The following TNS1 variants were observed in gnomAD, a reference collection of about 807,000 sequenced individuals.
TNS1 encodes the protein tensin-1.
TNS1 carries 62 observed loss-of-function variants against 168.6 expected under a neutral mutation model. That is an observed-to-expected ratio of 0.37 (90% CI 0.30 to 0.45). The LOEUF is 0.45. TNS1 is among the 20% of genes least tolerant of loss of function. The pLI, the probability that TNS1 is intolerant of heterozygous loss-of-function variation, is 1.00. For missense variants in TNS1, 2,240 were observed against 2,339.4 expected (o/e 0.96, Z 0.88); for synonymous variants, 934 against 933.2 (o/e 1.00, Z -0.02).
chr2:217,844,231 G>T (rs186644056), intron 19 of TNS1, among the ~76,000 whole-genome samples: 1 of 152,036 alleles, frequency 6.6e-6, no homozygotes, highest in East Asian at 1.9e-4. Flanking sequence ...ATCCAGCCCC[G>T]CACCACTTAG....
chr2:217,941,927 G>A (rs928770035), intron 3 of TNS1, among the ~76,000 whole-genome samples: 2 of 152,166 alleles, frequency 1.3e-5, no homozygotes, highest in African/African-American at 4.8e-5. Context: ...ACAGGAGCCT[G>A]AGGGTCCCCA....
chr2:217,825,357 C>T (rs1409372240), intron 22 of TNS1, among the ~76,000 whole-genome samples: 1 of 152,124 alleles, frequency 6.6e-6, no homozygotes, highest in Non-Finnish European at 1.5e-5. Flanking sequence ...CCCTGCCCTC[C>T]AGCTCCCTCC....
At chr2:217,990,337 A>AT (rs1958330344) in intron 2 of TNS1, among the ~76,000 whole-genome samples, 2 of 120,732 alleles carry the variant, frequency 1.7e-5, no homozygotes, top group Non-Finnish European at 1.7e-5. Flanking sequence ...TCCACATGCC[A>AT]CCACACACCA....
Position 217,810,239 on chromosome 2 carries a change from A to G in TNS1, c.5104+9T>C, listed in dbSNP as rs756997268. The G allele has an allele frequency of 6.2e-7, 1 of 1,613,726 alleles. No individual in the cohort carries two copies. Among genetic ancestry groups the G allele is most frequent in the Non-Finnish European group, 8.5e-7 (1 of 1,179,942 alleles). On this transcript the variant is annotated intron_variant, in intron 29 of 32. Transcript: ENST00000682258. ...CTGGGCATGGGTACAGTTTCAGGTGACCACTCACCTGCCCCTTGTTTCAGC... is the reference window on the plus strand; with the variant it reads ...CTGGGCATGGGTACAGTTTCAGGTGGCCACTCACCTGCCCCTTGTTTCAGC...
intron 4 of TNS1, among the ~76,000 whole-genome samples, chr2:217,915,885 C>T (rs1954952832): frequency 6.6e-6 from 1 of 152,118 alleles, no homozygotes; most frequent in South Asian, 2.1e-4. Context: ...TCCCAATGGC[C>T]CCACGTCATG....
At chr2:217,968,768 C>G (rs1457467547) in intron 3 of TNS1, among the ~76,000 whole-genome samples, 1 of 152,148 alleles carries the variant, frequency 6.6e-6, no homozygotes, top group Non-Finnish European at 1.5e-5. Context: ...AATCTCAGCT[C>G]AATACAACCT....
At chr2:217,928,363 C>T (rs374767665) in intron 3 of TNS1, among the ~76,000 whole-genome samples, 1 of 152,272 alleles carries the variant, frequency 6.6e-6, no homozygotes, top group Admixed American at 6.5e-5. Flanking sequence ...GTGCCCTCCC[C>T]ACCAGGCAGC....
chr2:217,982,586 T>C (rs1958083183), intron 2 of TNS1, among the ~76,000 whole-genome samples: 2 of 151,926 alleles, frequency 1.3e-5, no homozygotes, highest in Admixed American at 6.6e-5. Flanking sequence ...GCATTTTTTG[T>C]AGAGAGAGGG....
At chr2:217,872,750 A>T (rs186234170) in intron 18 of TNS1, among the ~76,000 whole-genome samples, 3,446 of 152,348 alleles carry the variant, frequency 0.023, 134 homozygotes, top group African/African-American at 0.077. Flanking sequence ...TGTTGACAGC[A>T]GCATTCTTCA....
Position 217,812,434 on chromosome 2 carries a change from C to T in TNS1, c.4966G>A (p.Ala1656Thr). The T allele has an allele frequency of 6.2e-7, 1 of 1,614,078 alleles. No individual in the cohort carries two copies. Among genetic ancestry groups the T allele is most frequent in the Non-Finnish European group, 8.5e-7 (1 of 1,180,018 alleles). ...ATGATGGAGTGCTGGTAGACCAGGGCAGACAGCGATCCTGTAGGGAGGCAG... is the reference window on the plus strand; with the variant it reads ...ATGATGGAGTGCTGGTAGACCAGGGTAGACAGCGATCCTGTAGGGAGGCAG... ...PNEPNFGSLS[A>T]LVYQHSIIPL... The change falls in exon 28 of 33, where the codon GCC becomes ACC. Residue 1656 changes from alanine (A) to threonine (T), a missense_variant. This residue lies in a region of TNS1 where 2,131 missense variants were observed against 2,171.2 expected (regional missense o/e 0.98). Coordinates refer to ENST00000682258, the MANE Select transcript of TNS1 (RefSeq NM_001387777.1).
intron 4 of TNS1, among the ~76,000 whole-genome samples, chr2:217,910,842 C>T (rs1954321697): frequency 1.3e-5 from 2 of 152,220 alleles, no homozygotes; most frequent in African/African-American, 4.8e-5. Flanking sequence ...CCCTGTTTCA[C>T]ACATGGGGAA....
At position 217,995,689 on chromosome 2, in the gene TNS1, A is replaced by G. The variant is rs972418165; in HGVS notation, c.34-4633T>C. Among the ~76,000 whole-genome samples, 2 of 152,064 alleles carry G rather than the reference A, an allele frequency of 1.3e-5. No individual in the cohort carries two copies. The highest frequency in any genetic ancestry group is 2.4e-5 in the African/African-American group (1 of 41,408). ...CCGGGGCCCTTCCTTTGCTGGCTGC[A>G]AAGGAACCTACTTAGGGAAAACTCA... On this transcript the variant is annotated intron_variant, in intron 1 of 32. Coordinates refer to ENST00000682258, the MANE Select transcript of TNS1 (RefSeq NM_001387777.1). This position sits in a 1 kb window ranked among gnomAD's most constrained non-coding sequence, Gnocchi z 4.1.
chr2:217,973,601 C>A (rs537173883), intron 3 of TNS1, among the ~76,000 whole-genome samples: 1 of 152,242 alleles, frequency 6.6e-6, no homozygotes, highest in African/African-American at 2.4e-5. Context: ...GATGCTTTCA[C>A]GCTTGTTCTC....
At chr2:217,903,706 C>G (rs1559332807) in intron 6 of TNS1, 3 of 1,069,878 alleles carry the variant, frequency 2.8e-6, no homozygotes, top group Admixed American at 2.1e-5. Flanking sequence ...GAATTTCCTC[C>G]TGGTATCTAA....
chr2:217,813,584 G>A lies in TNS1; in HGVS notation c.4861+101C>T, dbSNP rs1323340447. ...CCCTCTTCCGAAGAGCCTGATGGGA[G>A]TTAAGGTCCTGCCCAGCACCCTGGG... On this transcript the variant is annotated intron_variant, in intron 26 of 32. Transcript: ENST00000682258. This position sits in a 1 kb window ranked among gnomAD's most constrained non-coding sequence, Gnocchi z 4.0. 4 of 1,491,404 alleles carry A rather than the reference G, an allele frequency of 2.7e-6. No homozygotes were observed. The highest frequency in any genetic ancestry group is 3.6e-6 in the Non-Finnish European group (4 of 1,111,068). The allele number at this position is 1,491,404 out of a possible 1,614,324, so 92.4% of individuals were successfully genotyped here.
At chr2:217,857,820 C>A (rs1455184972) in intron 18 of TNS1, among the ~76,000 whole-genome samples, 1 of 152,218 alleles carries the variant, frequency 6.6e-6, no homozygotes, top group Non-Finnish European at 1.5e-5. Context: ...GCACTCCCAC[C>A]CCTACCCTCA....
intron 22 of TNS1, among the ~76,000 whole-genome samples, chr2:217,825,786 C>T (rs963632674): frequency 6.6e-6 from 1 of 152,136 alleles, no homozygotes; most frequent in Non-Finnish European, 1.5e-5. Context: ...ATGGAGGGCC[C>T]ATGGGACAGT....
intron 9 of TNS1, among the ~76,000 whole-genome samples, chr2:217,894,084 G>A (rs1952023500): frequency 6.6e-6 from 1 of 152,206 alleles, no homozygotes; most frequent in South Asian, 2.1e-4. Flanking sequence ...TTCCAGGCCA[G>A]CCAAGAGCAG....
intron 3 of TNS1, among the ~76,000 whole-genome samples, chr2:217,975,534 A>G (rs13415977): frequency 0.026 from 3,894 of 152,174 alleles, 159 homozygotes; most frequent in South Asian, 0.11. Context: ...CAGGCTGAAT[A>G]GGAGAGGACC....
Sources: gnomAD v4.1 joint callset for allele counts (sites outside exome capture counted in the v4.1 genomes callset) on GRCh38, gnomAD v4.1.1 for gene constraint, gnomAD v4.1.1 regional missense constraint, Gnocchi (gnomAD v3.1) non-coding constraint, MANE v1.5 for transcripts, NCBI Gene and HGNC (gene_info 2026-07-23, HGNC 2026-07-21) for gene names.